Variants in ZNF83 observed in about 807,000 individuals in gnomAD.
The protein encoded by ZNF83 is zinc finger protein 816B.
For missense variants in ZNF83, 552 were observed against 629.9 expected (o/e 0.88, Z 1.32); for synonymous variants, 209 against 213.0 (o/e 0.98, Z 0.17).
At chr19:52,682,136 G>A (rs1393924884) in intron 1 of ZNF83, among the ~76,000 whole-genome samples, 1 of 151,870 alleles carries the variant, frequency 6.6e-6, no homozygotes, top group Non-Finnish European at 1.5e-5. Flanking sequence ...ATGAGCCACC[G>A]TGCCTGGCCT....
intron 1 of ZNF83, among the ~76,000 whole-genome samples, chr19:52,670,249 T>A (rs2061706641): frequency 1.3e-5 from 2 of 152,226 alleles, no homozygotes; most frequent in South Asian, 2.1e-4. Context: ...TGACTCATTC[T>A]CCACCCTCAT....
At chr19:52,648,050 C>T (rs978322897) in intron 3 of ZNF83, among the ~76,000 whole-genome samples, 2 of 152,014 alleles carry the variant, frequency 1.3e-5, no homozygotes, top group African/African-American at 4.8e-5. Flanking sequence ...TGATGAGCCT[C>T]CCTTTTTGCT....
intron 1 of ZNF83, among the ~76,000 whole-genome samples, chr19:52,678,449 CA>C (rs11387898): frequency 5.7e-4 from 63 of 109,640 alleles, no homozygotes; most frequent in South Asian, 2.9e-3. Flanking sequence ...GACTTCATCT[CA>C]AAAAAAAAAA....
intron 1 of ZNF83, among the ~76,000 whole-genome samples, chr19:52,661,952 G>A (rs73586188): frequency 0.025 from 3,799 of 152,248 alleles, 152 homozygotes; most frequent in African/African-American, 0.082. Context: ...TGAAGGCCCT[G>A]AGACAGGAGC....
At chr19:52,659,614 A>AAC (rs1976178100) in intron 2 of ZNF83, among the ~76,000 whole-genome samples, 1 of 60,498 alleles carries the variant, frequency 1.7e-5, no homozygotes, top group African/African-American at 9.1e-5. Context: ...ACTCCAACTC[A>AAC]AAAAAAAAAA....
At chr19:52,661,798 G>C (rs373705078) in intron 1 of ZNF83, among the ~76,000 whole-genome samples, 172 of 152,234 alleles carry the variant, frequency 1.1e-3, no homozygotes, top group African/African-American at 4.1e-3. Context: ...GTGAAGGTGG[G>C]GCTGCAATGT....
At chr19:52,671,718 C>G (rs2061729311) in intron 1 of ZNF83, among the ~76,000 whole-genome samples, 1 of 152,180 alleles carries the variant, frequency 6.6e-6, no homozygotes, top group Non-Finnish European at 1.5e-5. Flanking sequence ...GTTGGGGTTA[C>G]AGGCAAGCCA....
At chr19:52,686,459 C>CAT (rs3055374) in intron 1 of ZNF83, among the ~76,000 whole-genome samples, 6,269 of 142,854 alleles carry the variant, frequency 0.044, 164 homozygotes, top group Middle Eastern at 0.074. Context: ...AAAAAAATTA[C>CAT]ATATATATAT....
chr19:52,630,034 C>A (rs960310204), intron 2 of ZNF83, among the ~76,000 whole-genome samples: 1 of 152,206 alleles, frequency 6.6e-6, no homozygotes, highest in Non-Finnish European at 1.5e-5. Context: ...CCTCCTCCCC[C>A]AGGAGCTTGC....
At position 52,625,070 on chromosome 19, in the gene ZNF83, C is replaced by T. The variant is rs565515837; in HGVS notation, c.-234+9996G>A. The stretch of plus-strand genomic sequence containing the variant: ...CCTTTCGTGTTCCTCATCCTGATCA[C>T]ATTTGGTTTATTGATGGCAGTTCCA... On this transcript the variant is annotated intron_variant, in intron 2 of 2. Transcript: ENST00000301096. 1.1e-4 allele frequency among the ~76,000 whole-genome samples: 17 copies of T among 151,976 alleles called. 1 individual carries two copies. The highest frequency in any genetic ancestry group is 4.1e-4 in the African/African-American group (17 of 41,424).
intron 2 of ZNF83, among the ~76,000 whole-genome samples, chr19:52,629,746 C>A (rs2060882204): frequency 6.6e-6 from 1 of 151,774 alleles, no homozygotes; most frequent in African/African-American, 2.4e-5. Context: ...AACCCTGAGA[C>A]ACTTTACAGC....
intron 3 of ZNF83, among the ~76,000 whole-genome samples, chr19:52,646,236 T>C (rs892883131): frequency 6.6e-6 from 1 of 152,086 alleles, no homozygotes; most frequent in African/African-American, 2.4e-5. Context: ...CACCATGGTT[T>C]GATATTCCTT....
chr19:52,656,846 C>T (rs945559677), intron 2 of ZNF83, among the ~76,000 whole-genome samples: 1 of 138,982 alleles, frequency 7.2e-6, no homozygotes, highest in African/African-American at 2.7e-5. Context: ...AGCCTATCGA[C>T]AGAGCGAGAC....
chr19:52,689,768 C>T (rs1287471825), intron 1 of ZNF83, among the ~76,000 whole-genome samples: 6 of 151,836 alleles, frequency 4.0e-5, no homozygotes, highest in Admixed American at 1.3e-4. Flanking sequence ...GTCTCCTGAT[C>T]CCTTTGGCCC....
At chr19:52,623,734 A>G (rs2060632666) in intron 2 of ZNF83, among the ~76,000 whole-genome samples, 1 of 151,982 alleles carries the variant, frequency 6.6e-6, no homozygotes, top group Non-Finnish European at 1.5e-5. Context: ...CCCATCCCAC[A>G]ACAGGCTTTA....
chr19:52,644,179 CTT>C (rs35109145), intron 3 of ZNF83, among the ~76,000 whole-genome samples: 14,150 of 147,404 alleles, frequency 0.096, 931 homozygotes, highest in Non-Finnish European at 0.13. Context: ...TTCCATTCTT[CTT>C]TTTTTTTTTT....
chr19:52,668,916 A>G (rs1461987347), intron 1 of ZNF83, among the ~76,000 whole-genome samples: 1 of 152,074 alleles, frequency 6.6e-6, no homozygotes, highest in African/African-American at 2.4e-5. Flanking sequence ...AAAGTTCGAC[A>G]CCCTGTGGGT....
intron 1 of ZNF83, chr19:52,635,821 T>C (rs11878254): frequency 0.39 from 58,625 of 151,422 alleles, 11,612 homozygotes; most frequent in African/African-American, 0.46. Flanking sequence ...ATGGTGAAAC[T>C]CCATCTCTAC....
At chr19:52,633,485 C>A (rs1302814191) in intron 2 of ZNF83, among the ~76,000 whole-genome samples, 1 of 151,972 alleles carries the variant, frequency 6.6e-6, no homozygotes, top group Non-Finnish European at 1.5e-5. Context: ...GCTCTGATAA[C>A]CTGGCACAGA....
Sources: gnomAD v4.1 joint callset for allele counts (sites outside exome capture counted in the v4.1 genomes callset) on GRCh38, gnomAD v4.1.1 for gene constraint, MANE v1.5 for transcripts, NCBI Gene and HGNC (gene_info 2026-07-23, HGNC 2026-07-21) for gene names.